The following FSTL4 variants were observed in gnomAD, a reference collection of about 807,000 sequenced individuals.
The protein encoded by FSTL4 is follistatin-related protein 4.
A neutral mutation model predicts 78.2 loss-of-function variants in FSTL4; 28 were observed. The ratio of observed to expected loss-of-function variants is 0.36; its 90% CI spans 0.27 to 0.49. The LOEUF is 0.49. Among genes scored for constraint, FSTL4 ranks in the 20% least tolerant of loss-of-function variants. The pLI is 0.98. For missense variants in FSTL4, 922 were observed against 1,084.9 expected (o/e 0.85, Z 2.11); for synonymous variants, 422 against 440.5 (o/e 0.96, Z 0.53).
At chr5:133,251,322 G>A (rs572273363) in intron 6 of FSTL4, among the ~76,000 whole-genome samples, 1 of 152,242 alleles carries the variant, frequency 6.6e-6, no homozygotes, top group East Asian at 1.9e-4. Context: ...AGATGACCAC[G>A]AGGCTCCCCT....
chr5:133,833,577 A>G, the FSTL4 span, among the ~76,000 whole-genome samples: 7 of 152,160 alleles, frequency 4.6e-5, no homozygotes, highest in Non-Finnish European at 1.5e-5. Flanking sequence ...CATCTGTCTC[A>G]TCAGTGACAC....
rs144603916 is a variant in FSTL4, at chr5:133,199,347, C to T, written c.2277G>A (p.Pro759=). 2.5e-5 allele frequency: 40 copies of T among 1,613,982 alleles called. No individual in the cohort carries two copies. The highest frequency in any genetic ancestry group is 1.6e-4 in the Middle Eastern group (1 of 6,082). Residue 759 remains proline, a synonymous_variant, in exon 16 of 16, where the codon CCG becomes CCA. Transcript: ENST00000265342. This position sits in a 1 kb window ranked among gnomAD's most constrained non-coding sequence, Gnocchi z 4.4. ...TGGACAGCTCCAGGAACAGCAGGTC[C>T]GGCTCCGTGTGCAGAGCCGCGTAGA... ...YNIYAALHTE[P]DLLFLELSTG...
the FSTL4 span, among the ~76,000 whole-genome samples, chr5:133,732,302 C>G: frequency 6.6e-6 from 1 of 152,082 alleles, no homozygotes; most frequent in Non-Finnish European, 1.5e-5. Flanking sequence ...CTGTGGGCCC[C>G]GAGGAAGATG....
intron 3 of FSTL4, among the ~76,000 whole-genome samples, chr5:133,459,191 T>C (rs561529693): frequency 1.3e-5 from 2 of 152,282 alleles, no homozygotes; most frequent in South Asian, 4.2e-4. Context: ...CCTGAGAGGC[T>C]GAAGCAAAGG....
the FSTL4 span, among the ~76,000 whole-genome samples, chr5:133,839,853 A>T: frequency 6.6e-6 from 1 of 152,212 alleles, no homozygotes; most frequent in African/African-American, 2.4e-5. Context: ...AAGTTTTTAA[A>T]AGGCTTTTGT....
chr5:133,708,483 G>C, the FSTL4 span, among the ~76,000 whole-genome samples: 1 of 152,250 alleles, frequency 6.6e-6, no homozygotes, highest in East Asian at 1.9e-4. Flanking sequence ...TGCTGGGCCT[G>C]AGTCATGAAC....
At chr5:133,818,390 T>C in the FSTL4 span, among the ~76,000 whole-genome samples, 9 of 152,094 alleles carry the variant, frequency 5.9e-5, no homozygotes, top group African/African-American at 2.2e-4. Flanking sequence ...TCACTCCCAA[T>C]TTCATCCACA....
At chr5:133,340,142 C>T (rs1022705868) in intron 4 of FSTL4, among the ~76,000 whole-genome samples, 5 of 152,188 alleles carry the variant, frequency 3.3e-5, no homozygotes, top group Admixed American at 1.3e-4. Context: ...GGGCTTCTCT[C>T]CCTGGGCCTC....
the FSTL4 span, among the ~76,000 whole-genome samples, chr5:133,738,880 C>T: frequency 1.1e-4 from 17 of 152,260 alleles, no homozygotes; most frequent in East Asian, 3.1e-3. Context: ...AAGGCTGGGG[C>T]CCCACAGACC....
intron 4 of FSTL4, among the ~76,000 whole-genome samples, chr5:133,344,429 C>T (rs2126920946): frequency 6.6e-6 from 1 of 152,318 alleles, no homozygotes; most frequent in Non-Finnish European, 1.5e-5. Context: ...ATGTAACCCT[C>T]ATCCATGGCA....
the FSTL4 span, among the ~76,000 whole-genome samples, chr5:133,666,966 C>T: frequency 6.6e-6 from 1 of 152,084 alleles, no homozygotes; most frequent in African/African-American, 2.4e-5. Context: ...GATGATGATC[C>T]CCAAATTTCT....
At chr5:133,681,268 C>A in the FSTL4 span, among the ~76,000 whole-genome samples, 1 of 152,222 alleles carries the variant, frequency 6.6e-6, no homozygotes, top group Non-Finnish European at 1.5e-5. Context: ...CTGAGCTCCC[C>A]CTAAATAATG....
intron 5 of FSTL4, 43 bp downstream of exon 5, chr5:133,316,416 T>C: frequency 6.6e-7 from 1 of 1,521,840 alleles, no homozygotes; most frequent in Non-Finnish European, 9.1e-7. Flanking sequence ...AATGGAAAAC[T>C]GGATTCCTCC....
intron 3 of FSTL4, among the ~76,000 whole-genome samples, chr5:133,506,583 C>T (rs1035057682): frequency 1.3e-5 from 2 of 152,124 alleles, no homozygotes; most frequent in Admixed American, 6.5e-5. Flanking sequence ...TTCATATAAC[C>T]GCTACACAGT....
intron 2 of FSTL4, among the ~76,000 whole-genome samples, chr5:133,590,865 G>A (rs965510509): frequency 2.0e-5 from 3 of 152,200 alleles, no homozygotes; most frequent in African/African-American, 7.2e-5. Context: ...CCTCCTTGCT[G>A]CATACTCCCA....
At chr5:133,653,756 G>A in the FSTL4 span, among the ~76,000 whole-genome samples, 2 of 152,266 alleles carry the variant, frequency 1.3e-5, no homozygotes, top group African/African-American at 2.4e-5. Flanking sequence ...GTCAGGGTCC[G>A]AGAAGATTAG....
chr5:133,347,419 T>G (rs1754719944), intron 4 of FSTL4, among the ~76,000 whole-genome samples: 2 of 152,236 alleles, frequency 1.3e-5, no homozygotes, highest in Non-Finnish European at 1.5e-5. Context: ...TGATCTCAGC[T>G]CACTGCAACC....
rs372099286 is a variant in FSTL4, at chr5:133,568,491, C to T, written c.127-1272G>A. ...CTAAGAGGGCACTGGGAAGGTTGTC[C>T]TACCCAAATTACATTCCCTGACTGC... On this transcript the variant is annotated intron_variant, in intron 2 of 15. Transcript: ENST00000265342. 1.6e-4 allele frequency among the ~76,000 whole-genome samples: 25 copies of T among 152,272 alleles called. No individual in the cohort carries two copies. The South Asian group carries it at 5.2e-3, about 32-fold the overall frequency.
chr5:133,325,301 T>C (rs1377431123), intron 4 of FSTL4, among the ~76,000 whole-genome samples: 1 of 152,084 alleles, frequency 6.6e-6, no homozygotes, highest in Non-Finnish European at 1.5e-5. Context: ...GGACCATCTG[T>C]GTTCTTGGGG....
Sources: allele counts gnomAD v4.1 joint callset (sites outside exome capture counted in the v4.1 genomes callset), GRCh38; gene constraint gnomAD v4.1.1; non-coding constraint Gnocchi (gnomAD v3.1); transcripts MANE v1.5; gene names NCBI Gene and HGNC (gene_info 2026-07-23, HGNC 2026-07-21).